The following MSH3 variants were observed in gnomAD, a reference collection of about 807,000 sequenced individuals.
MSH3 encodes DNA mismatch repair protein Msh3.
A neutral mutation model predicts 123.3 loss-of-function variants in MSH3; 106 were observed. That is an observed-to-expected ratio of 0.86 (90% CI 0.73 to 1.01). The LOEUF is 1.01. Among genes scored for constraint, MSH3 ranks in the 50% least tolerant of loss-of-function variants. The pLI, the probability that MSH3 is intolerant of heterozygous loss-of-function variation, is 0.00. For missense variants in MSH3, 1,459 were observed against 1,347.6 expected (o/e 1.08, Z -1.29); for synonymous variants, 515 against 481.4 (o/e 1.07, Z -0.91).
chr5:80,760,069 G>A (rs191956539), intron 12 of MSH3, among the ~76,000 whole-genome samples: 2 of 152,282 alleles, frequency 1.3e-5, no homozygotes, highest in Admixed American at 1.3e-4. Context: ...TTGTAATCTA[G>A]CCAGGATCCT....
At chr5:80,724,488 G>A (rs1471802129) in intron 8 of MSH3, among the ~76,000 whole-genome samples, 1 of 152,134 alleles carries the variant, frequency 6.6e-6, no homozygotes, top group African/African-American at 2.4e-5. Flanking sequence ...ACAGTCATGG[G>A]AGTGAGATGA....
At chr5:80,743,562 C>CATTTTAGGTCTCAAGATTTAAATGTCTCA (rs1479695787) in intron 11 of MSH3, among the ~76,000 whole-genome samples, 6 of 71,774 alleles carry the variant, frequency 8.4e-5, no homozygotes, top group Admixed American at 3.1e-4. Context: ...TAAAAAAACC[C>CATTTTAGGTCTCAAGATTTAAATGTCTCA]GGCCGGGCGC....
intron 2 of MSH3, among the ~76,000 whole-genome samples, chr5:80,658,254 T>G (rs1470111586): frequency 7.1e-6 from 1 of 140,046 alleles, no homozygotes; most frequent in Non-Finnish European, 1.6e-5. Flanking sequence ...AGTCAGAGTT[T>G]TGCCATGTTG....
chr5:80,840,373 T>C (rs976507664), intron 20 of MSH3, among the ~76,000 whole-genome samples: 1 of 152,182 alleles, frequency 6.6e-6, no homozygotes, highest in African/African-American at 2.4e-5. Flanking sequence ...TTTTCACTTC[T>C]TCCATTTCGA....
intron 3 of MSH3, among the ~76,000 whole-genome samples, chr5:80,666,343 A>T (rs1749569065): frequency 6.6e-6 from 1 of 152,362 alleles, no homozygotes; most frequent in South Asian, 2.1e-4. Context: ...TTTTCTTCAG[A>T]AAAATTCTCA....
chr5:80,794,753 C>T (rs1744668951), intron 19 of MSH3, among the ~76,000 whole-genome samples: 1 of 152,002 alleles, frequency 6.6e-6, no homozygotes, highest in Admixed American at 6.6e-5. Context: ...CAAGATATGC[C>T]ATAGAGGAAA....
At chr5:80,710,274 G>A (rs181354444) in intron 8 of MSH3, among the ~76,000 whole-genome samples, 3 of 152,298 alleles carry the variant, frequency 2.0e-5, no homozygotes. Context: ...AAAACTGGAA[G>A]TTGATACAGA....
intron 20 of MSH3, among the ~76,000 whole-genome samples, chr5:80,845,566 A>G (rs1465453842): frequency 1.3e-5 from 2 of 152,176 alleles, no homozygotes; most frequent in Admixed American, 6.5e-5. Context: ...GTCTTTTCAC[A>G]TAGTCCCATA....
intron 12 of MSH3, among the ~76,000 whole-genome samples, chr5:80,745,894 A>G (rs192446298): frequency 1.4e-3 from 207 of 152,346 alleles, no homozygotes; most frequent in Non-Finnish European, 1.9e-3. Flanking sequence ...ACTATTTTCA[A>G]TAATGGATTG....
At chr5:80,814,689 C>T (rs534645725) in intron 20 of MSH3, among the ~76,000 whole-genome samples, 1 of 152,336 alleles carries the variant, frequency 6.6e-6, no homozygotes, top group Admixed American at 6.5e-5. Context: ...CTCTGTAGAG[C>T]ACAGTCTGAA....
In MSH3 at chr5:80,873,167, G is replaced by C; in HGVS notation, c.3182G>C (p.Arg1061Thr). The C allele has an allele frequency of 6.2e-7, 1 of 1,613,682 alleles. No individual in the cohort carries two copies. The highest frequency in any genetic ancestry group is 1.3e-5 in the African/African-American group (1 of 75,028). The change falls in exon 23 of 24, where the codon AGA (arginine) becomes ACA (threonine). Residue 1061 changes from arginine to threonine, a missense_variant. Arg to Thr is a moderately conservative substitution (Grantham distance 71). Coordinates refer to ENST00000265081, the MANE Select transcript of MSH3 (RefSeq NM_002439.5). Reference sequence around the variant, plus strand: ...GTCACCTTCCTTTACCAAATAACTAGAGGAATTGCAGCAAGGAGTTATGGA... The same window carrying C: ...GTCACCTTCCTTTACCAAATAACTACAGGAATTGCAGCAAGGAGTTATGGA... ...DFVTFLYQIT[R>T]GIAARSYGLN...
At chr5:80,784,212 C>CAAAAAAAAAAAAAAA (rs1192783960) in intron 17 of MSH3, among the ~76,000 whole-genome samples, 1 of 11,988 alleles carries the variant, frequency 8.3e-5, no homozygotes, top group East Asian at 1.8e-3. Flanking sequence ...TACTACGTCG[C>CAAAAAAAAAAAAAAA]AAAAAAAAAA....
At chr5:80,713,686 A>G (rs1750901110) in intron 8 of MSH3, among the ~76,000 whole-genome samples, 1 of 152,240 alleles carries the variant, frequency 6.6e-6, no homozygotes, top group Admixed American at 6.5e-5. Flanking sequence ...CCTCTAATAA[A>G]GCAGGTGAAT....
intron 19 of MSH3, among the ~76,000 whole-genome samples, chr5:80,800,076 A>G (rs1369747156): frequency 6.6e-6 from 1 of 152,230 alleles, no homozygotes; most frequent in Non-Finnish European, 1.5e-5. Context: ...GATAAACAAT[A>G]CTAAGATCTT....
intron 13 of MSH3, among the ~76,000 whole-genome samples, chr5:80,765,986 C>T (rs1414558229): frequency 6.6e-6 from 1 of 152,022 alleles, no homozygotes; most frequent in Admixed American, 6.6e-5. Flanking sequence ...TCTTTACTTC[C>T]TCTTCTGTTG....
rs756684854 is a variant in MSH3 at position 80,654,857 on chromosome 5, G to C, written c.130G>C (p.Ala44Pro). The change falls in exon 1 of 24, where the codon GCC becomes CCC. Residue 44 changes from alanine to proline, a missense_variant. Physicochemically the swap from Ala to Pro is conservative, Grantham distance 27 (BLOSUM62 -1). Coordinates refer to ENST00000265081, the MANE Select transcript of MSH3 (RefSeq NM_002439.5). ...LKSTSSSTGA[A>P]DQVDPGAAAA... ...ATCCACCTCCTCCTCCACAGGTGCA[G>C]CCGACCAGGTGGACCCTGGCGCTGC... The C allele has an allele frequency of 3.7e-6, 6 of 1,604,768 alleles. No individual in the cohort carries two copies. Among genetic ancestry groups the C allele is most frequent in the Non-Finnish European group, 5.1e-6 (6 of 1,176,430 alleles).
At chr5:80,758,727 A>T (rs1181041065) in intron 12 of MSH3, among the ~76,000 whole-genome samples, 2 of 152,198 alleles carry the variant, frequency 1.3e-5, no homozygotes, top group African/African-American at 4.8e-5. Context: ...ATAGTTTTAT[A>T]TCTATTAAAA....
chr5:80,762,765 A>G (rs142460075), intron 13 of MSH3, among the ~76,000 whole-genome samples: 1,822 of 141,170 alleles, frequency 0.013, 44 homozygotes, highest in African/African-American at 0.047. Flanking sequence ...GTTTTATTTT[A>G]TTTTATTTTA....
At position 80,873,275 on chromosome 5, in the gene MSH3, T is replaced by C. The variant is rs377191897; in HGVS notation, c.3290T>C (p.Ile1097Thr). 5.6e-6 allele frequency: 9 copies of C among 1,613,940 alleles called. No homozygotes were observed. The African/African-American group carries it at 1.1e-4, about 19-fold the overall frequency. The stretch of plus-strand genomic sequence containing the variant: ...AAGTCAAAAGAGCTGGAAGGATTAA[T>C]AAATACGAAAAGGTCAGAGTGATTA... The part of the protein sequence containing the change: ...AHKSKELEGL[I>T]NTKRKRLKYF... The change falls in exon 23 of 24, where the codon ATA (isoleucine) becomes ACA (threonine). Residue 1097 changes from isoleucine (I) to threonine (T), a missense_variant. By Grantham distance (89) the Ile-to-Thr change is moderately conservative (BLOSUM62 -1). Coordinates refer to ENST00000265081, the MANE Select transcript of MSH3 (RefSeq NM_002439.5).
Sources: gnomAD v4.1 joint callset for allele counts (sites outside exome capture counted in the v4.1 genomes callset) on GRCh38, gnomAD v4.1.1 for gene constraint, MANE v1.5 for transcripts, NCBI Gene and HGNC (gene_info 2026-07-23, HGNC 2026-07-21) for gene names.